Variants in MAP4K5 observed in about 807,000 individuals in gnomAD.
MAP4K5 encodes MAPK/ERK kinase kinase kinase 5.
MAP4K5 carries 82 observed loss-of-function variants against 135.6 expected under a neutral mutation model. That is an observed-to-expected ratio of 0.60 (90% CI 0.51 to 0.73). MAP4K5 has a LOEUF of 0.73. Among genes scored for constraint, MAP4K5 ranks in the 30% least tolerant of loss-of-function variants. The probability of loss-of-function intolerance (pLI) is 0.00; values close to 1 mark genes in which losing one functional copy is unlikely to be tolerated. For missense variants in MAP4K5, 907 were observed against 1,010.9 expected, an observed-to-expected ratio of 0.90 and a Z score of 1.39; for synonymous variants, 347 against 335.0, an observed-to-expected ratio of 1.04 and a Z score of -0.39.
chr14:50,491,894 C>T (rs2037492558), intron 3 of MAP4K5, among the ~76,000 whole-genome samples: 2 of 151,896 alleles, frequency 1.3e-5, no homozygotes, highest in South Asian at 4.2e-4. Flanking sequence ...GCCATGTTGC[C>T]CAGGCTGGTC....
At chr14:50,488,929 T>C (rs528224428) in intron 3 of MAP4K5, among the ~76,000 whole-genome samples, 64 of 152,334 alleles carry the variant, frequency 4.2e-4, no homozygotes, top group African/African-American at 1.5e-3. Flanking sequence ...AAGCTACTAT[T>C]TTTGTAGTTT....
chr14:50,479,126 C>T (rs940274693), intron 6 of MAP4K5, among the ~76,000 whole-genome samples: 10 of 151,052 alleles, frequency 6.6e-5, no homozygotes, highest in Non-Finnish European at 1.2e-4. Flanking sequence ...CTCCCCTTTT[C>T]AGTTTGTCTC....
intron 6 of MAP4K5, among the ~76,000 whole-genome samples, chr14:50,476,659 A>C (rs973431764): frequency 6.6e-6 from 1 of 152,074 alleles, no homozygotes; most frequent in African/African-American, 2.4e-5. Flanking sequence ...ACGGGGTTTC[A>C]CCATGTTGGC....
chr14:50,438,586 G>A (rs2036152227), intron 23 of MAP4K5, among the ~76,000 whole-genome samples: 1 of 152,102 alleles, frequency 6.6e-6, no homozygotes, highest in South Asian at 2.1e-4. Flanking sequence ...TATTAAGTAA[G>A]AGGGATGGAT....
At chr14:50,506,690 T>C (rs1464214383) in intron 2 of MAP4K5, among the ~76,000 whole-genome samples, 1 of 152,204 alleles carries the variant, frequency 6.6e-6, no homozygotes, top group Non-Finnish European at 1.5e-5. Context: ...TTGCAACTAC[T>C]TTGTGATAAG....
At chr14:50,560,605 G>A (rs568232784) in intron 1 of MAP4K5, 1 of 434,656 alleles carries the variant, frequency 2.3e-6, no homozygotes, top group South Asian at 2.3e-5. Context: ...CGCCTCCGGG[G>A]ACTTGTGGGT....
intron 3 of MAP4K5, among the ~76,000 whole-genome samples, chr14:50,493,767 C>T (rs561262896): frequency 3.3e-5 from 5 of 152,122 alleles, no homozygotes; most frequent in African/African-American, 1.2e-4. Flanking sequence ...ACGGGCAGAT[C>T]GCCTGAGGTC....
intron 14 of MAP4K5, chr14:50,456,258 G>A: frequency 4.5e-6 from 2 of 449,346 alleles, no homozygotes; most frequent in South Asian, 2.7e-5. Context: ...TGCATGCAAT[G>A]TTAATTTTCT....
intron 2 of MAP4K5, among the ~76,000 whole-genome samples, chr14:50,523,140 C>T (rs2038186621): frequency 6.6e-6 from 1 of 151,940 alleles, no homozygotes; most frequent in Non-Finnish European, 1.5e-5. Flanking sequence ...GGAGACATCC[C>T]ATCTCTACTA....
intron 2 of MAP4K5, among the ~76,000 whole-genome samples, chr14:50,531,289 C>T (rs2038381120): frequency 1.3e-5 from 2 of 152,192 alleles, no homozygotes; most frequent in African/African-American, 2.4e-5. Flanking sequence ...GACAGCGGCT[C>T]ATATCCACTC....
chr14:50,420,770 T>G (rs1473201854), intron 32 of MAP4K5, among the ~76,000 whole-genome samples: 2 of 152,088 alleles, frequency 1.3e-5, no homozygotes, highest in African/African-American at 4.8e-5. Context: ...GAGACACTCG[T>G]CCAAACTGTT....
At chr14:50,518,114 A>G (rs924964812) in intron 2 of MAP4K5, among the ~76,000 whole-genome samples, 1 of 152,140 alleles carries the variant, frequency 6.6e-6, no homozygotes, top group African/African-American at 2.4e-5. Flanking sequence ...AGCAATTAAA[A>G]CGTCCAAAAA....
rs770177701 is a variant in MAP4K5, at chr14:50,468,669, A to C, written c.656T>G (p.Phe219Cys). 1.2e-6 allele frequency: 2 copies of C among 1,613,492 alleles called. No individual in the cohort carries two copies. Among genetic ancestry groups the C allele is most frequent in the Non-Finnish European group, 8.5e-7 (1 of 1,179,558 alleles). ...IELGELQPPM[F>C]DLHPMRALFL... ...AGAACACCTCATTGGGTGGAGATCA[A>C]ACATAGGTGGCTGAAGTTCTCCAAG... Residue 219 changes from phenylalanine (F) to cysteine (C), a missense_variant, in exon 10 of 33, where the codon TTT (phenylalanine) becomes TGT (cysteine). By Grantham distance (205) the Phe-to-Cys change is radical. Coordinates refer to ENST00000682126, the MANE Select transcript of MAP4K5 (RefSeq NM_006575.6).
At chr14:50,532,624 G>T, upstream of MAP4K5, 2 of 152,902 alleles carry the variant, frequency 1.3e-5, no homozygotes, top group South Asian at 3.8e-4. Context: ...CTGCGTCACC[G>T]GGAGACACGT....
chr14:50,448,715 A>C (rs1356756781), intron 15 of MAP4K5, 59 bp downstream of exon 15: 1 of 939,784 alleles, frequency 1.1e-6, no homozygotes, highest in Non-Finnish European at 1.6e-6. Flanking sequence ...TACAACTAAC[A>C]AAAAAAAAGT....
chr14:50,528,023 CTAAA>C (rs2038305097), intron 2 of MAP4K5, among the ~76,000 whole-genome samples: 1 of 152,042 alleles, frequency 6.6e-6, no homozygotes, highest in South Asian at 2.1e-4. Context: ...AGTTGAGAAT[CTAAA>C]TCTCCAGATT....
chr14:50,540,188 G>A (rs1352161357), intron 2 of MAP4K5, among the ~76,000 whole-genome samples: 1 of 152,194 alleles, frequency 6.6e-6, no homozygotes, highest in Non-Finnish European at 1.5e-5. Context: ...ATAACCTTCA[G>A]GAAGAAGTGA....
At position 50,485,302 on chromosome 14, in the gene MAP4K5, G is replaced by C. The variant is rs144921357; in HGVS notation, c.322+276C>G. Among the ~76,000 whole-genome samples the C allele has an allele frequency of 1.9e-3, 290 of 152,064 alleles. 2 individuals are homozygous for C. Among genetic ancestry groups the C allele is most frequent in the African/African-American group, 6.7e-3 (280 of 41,512 alleles). On this transcript the variant is annotated intron_variant, in intron 5 of 32. Transcript: ENST00000682126. ...CAATTTTTTTTTACAAGGAAATTTA[G>C]GAAGTTTCATTTGTAGATAAAACAC...
chr14:50,427,680 T>G (rs553015380), intron 30 of MAP4K5, among the ~76,000 whole-genome samples: 46 of 152,348 alleles, frequency 3.0e-4, no homozygotes, highest in Middle Eastern at 3.4e-3. Flanking sequence ...TCATCATTTT[T>G]TTCACAAGTT....
Sources: allele counts gnomAD v4.1 joint callset (sites outside exome capture counted in the v4.1 genomes callset), GRCh38; gene constraint gnomAD v4.1.1; transcripts MANE v1.5; gene names NCBI Gene and HGNC (gene_info 2026-07-23, HGNC 2026-07-21).